The following TPTE2 variants were observed in gnomAD, a reference collection of about 807,000 sequenced individuals.
The protein encoded by TPTE2 is phosphatidylinositol 3,4,5-trisphosphate 3-phosphatase TPTE2.
In TPTE2, 53 loss-of-function variants were observed where a neutral mutation model predicts 78.6. The ratio of observed to expected loss-of-function variants is 0.67; its 90% CI spans 0.54 to 0.85. The LOEUF (loss-of-function observed/expected upper bound fraction) is 0.85. TPTE2 is among the 40% of genes least tolerant of loss of function. TPTE2 has a pLI of 0.00. For missense variants in TPTE2, 461 were observed against 623.0 expected (o/e 0.74, Z 2.77); for synonymous variants, 175 against 206.2 (o/e 0.85, Z 1.30).
At chr13:19,435,583 G>A (rs1322427052) in intron 15 of TPTE2, among the ~76,000 whole-genome samples, 2 of 152,104 alleles carry the variant, frequency 1.3e-5, no homozygotes, top group Non-Finnish European at 2.9e-5. Context: ...ATAACAAAAT[G>A]CTTCTAAAAG....
chr13:19,507,204 TTAAAC>T (rs1566070462), upstream of TPTE2, among the ~76,000 whole-genome samples: 3 of 150,378 alleles, frequency 2.0e-5, no homozygotes, highest in African/African-American at 7.4e-5. Context: ...AGCTAAAGAA[TTAAAC>T]TAAATTGTAC....
chr13:19,467,367 AAAAAG>A (rs1379092046), intron 6 of TPTE2, 23 bp from the exon 10 acceptor site: 3 of 1,468,316 alleles, frequency 2.0e-6, no homozygotes, highest in Non-Finnish European at 1.8e-6. Flanking sequence ...AAAAAAAAAA[AAAAAG>A]TTCATTTCCC....
At chr13:19,529,173 C>A (rs73164669) in intron 1 of TPTE2, among the ~76,000 whole-genome samples, 1 of 152,124 alleles carries the variant, frequency 6.6e-6, no homozygotes, top group African/African-American at 2.4e-5. Flanking sequence ...TAACCCAAGG[C>A]AACTGATAGG....
At chr13:19,475,078 AATTAC>A (rs1457953167) in intron 5 of TPTE2, among the ~76,000 whole-genome samples, 3 of 152,176 alleles carry the variant, frequency 2.0e-5, no homozygotes, top group African/African-American at 7.2e-5. Context: ...TTCCATGATA[AATTAC>A]ATTACATTAG....
chr13:19,448,070 C>T (rs1593360616), intron 13 of TPTE2, among the ~76,000 whole-genome samples: 2 of 152,076 alleles, frequency 1.3e-5, no homozygotes, highest in South Asian at 2.1e-4. Flanking sequence ...GCCAAGAATC[C>T]AAGATGGGGA....
the TPTE2 span, among the ~76,000 whole-genome samples, chr13:19,544,060 CAAAAAAAAA>C: frequency 4.7e-4 from 15 of 31,986 alleles, 1 homozygote; most frequent in Admixed American, 2.0e-3. Flanking sequence ...GAACCTGTCT[CAAAAAAAAA>C]AAAAAAAAAA....
chr13:19,535,799 C>A lies in TPTE2; in HGVS notation c.-44+797G>T, dbSNP rs968691034. On this transcript the variant is annotated intron_variant, in intron 1 of 17. Transcript: ENST00000390680. This position sits in a 1 kb window ranked among gnomAD's most constrained non-coding sequence, Gnocchi z 5.1. ...TACAGGTGCCTGCCATCATGCCCAG[C>A]TATTTTTTGTATTTTTAGTAGAGAT... Among the ~76,000 whole-genome samples the A allele has an allele frequency of 6.6e-6, 1 of 152,014 alleles. No homozygotes were observed. Among genetic ancestry groups the A allele is most frequent in the Non-Finnish European group, 1.5e-5 (1 of 68,016 alleles).
chr13:19,535,141 T>C lies in TPTE2; in HGVS notation c.-44+1455A>G, dbSNP rs933437880. On this transcript the variant is annotated intron_variant, in intron 1 of 17. Transcript: ENST00000390680. This position sits in a 1 kb window ranked among gnomAD's most constrained non-coding sequence, Gnocchi z 5.1. ...ATCACTGGAACCCAGGAGGCGGAGG[T>C]TGCAGTGAGCTGAGATCACAAACTG... 6.6e-6 allele frequency among the ~76,000 whole-genome samples: 1 copy of C among 151,746 alleles called. No individual in the cohort carries two copies. Among genetic ancestry groups the C allele is most frequent in the Non-Finnish European group, 1.5e-5 (1 of 67,976 alleles).
At chr13:19,526,132 T>G (rs1870481983) in intron 1 of TPTE2, among the ~76,000 whole-genome samples, 1 of 152,154 alleles carries the variant, frequency 6.6e-6, no homozygotes, top group South Asian at 2.1e-4. Flanking sequence ...GTTTGGTGAT[T>G]TCTCAAAGAA....
At chr13:19,453,089 G>A (rs2137535737) in intron 10 of TPTE2, among the ~76,000 whole-genome samples, 1 of 151,202 alleles carries the variant, frequency 6.6e-6, no homozygotes, top group African/African-American at 2.4e-5. Context: ...GTGCAAAGGT[G>A]CAATATCAGT....
At chr13:19,478,632 C>T (rs1393269811) in intron 4 of TPTE2, among the ~76,000 whole-genome samples, 1 of 152,128 alleles carries the variant, frequency 6.6e-6, no homozygotes, top group African/African-American at 2.4e-5. Context: ...ACTAGAAATA[C>T]CATTTGACCC....
chr13:19,496,209 A>G (rs1881301926), intron 1 of TPTE2, among the ~76,000 whole-genome samples: 1 of 152,150 alleles, frequency 6.6e-6, no homozygotes, highest in Non-Finnish European at 1.5e-5. Flanking sequence ...CCCTTACAGA[A>G]GTCATGTGTG....
Position 19,449,930 on chromosome 13 carries a change from C to G in TPTE2, c.973+146G>C, listed in dbSNP as rs1878069111. 3 of 716,246 alleles carry G rather than the reference C, an allele frequency of 4.2e-6. No individual in the cohort carries two copies. The South Asian group carries it at 6.6e-5, about 16-fold the overall frequency. The allele number at this position is 716,246 out of a possible 1,614,324, so 44.4% of individuals were successfully genotyped here. A position where few individuals can be genotyped will look rare whatever the true frequency, so the allele number is the denominator to read the frequency against. The stretch of plus-strand genomic sequence containing the variant: ...TTCCTCCTCTCCTCTTTCCTTTCTC[C>G]TTCCCTTCTTTCAGTCTTGGAGCTA... On this transcript the variant is annotated intron_variant, in intron 13 of 19. Transcript: ENST00000400230.
intron 10 of TPTE2, among the ~76,000 whole-genome samples, chr13:19,455,989 T>C (rs975451071): frequency 6.6e-6 from 1 of 152,180 alleles, no homozygotes; most frequent in Non-Finnish European, 1.5e-5. Flanking sequence ...CAGGGCAAGG[T>C]TGCCTCCTCT....
chr13:19,549,877 T>TA, the TPTE2 span, among the ~76,000 whole-genome samples: 1 of 101,732 alleles, frequency 9.8e-6, no homozygotes, highest in Non-Finnish European at 2.4e-5. Flanking sequence ...TGGAGGCCAT[T>TA]ATCCTACGTG....
intron 6 of TPTE2, among the ~76,000 whole-genome samples, chr13:19,469,129 C>G (rs1224929499): frequency 2.6e-5 from 4 of 152,130 alleles, no homozygotes; most frequent in Non-Finnish European, 5.9e-5. Flanking sequence ...TCCCAATGTT[C>G]TCTTGTAGTA....
upstream of TPTE2, among the ~76,000 whole-genome samples, chr13:19,506,512 C>T (rs531696533): frequency 6.6e-6 from 1 of 152,238 alleles, no homozygotes; most frequent in East Asian, 1.9e-4. Flanking sequence ...GGGTGGCTCT[C>T]TCATAGGTTA....
chr13:19,523,558 C>G (rs537525106), intron 1 of TPTE2, among the ~76,000 whole-genome samples: 2 of 152,130 alleles, frequency 1.3e-5, no homozygotes, highest in Non-Finnish European at 2.9e-5. Flanking sequence ...TCACTGCAAC[C>G]TCTGCCTCCC....
chr13:19,524,197 T>C (rs1016592974), intron 1 of TPTE2, among the ~76,000 whole-genome samples: 5 of 152,172 alleles, frequency 3.3e-5, no homozygotes. Flanking sequence ...AAATCTGCTA[T>C]ATATTTAGTA....
Sources: gnomAD v4.1 joint callset for allele counts (sites outside exome capture counted in the v4.1 genomes callset) on GRCh38, gnomAD v4.1.1 for gene constraint, Gnocchi (gnomAD v3.1) non-coding constraint, MANE v1.5 for transcripts, NCBI Gene and HGNC (gene_info 2026-07-23, HGNC 2026-07-21) for gene names.